NIPBL: variants seen among roughly 807,000 people sequenced by gnomAD.
NIPBL encodes the protein nipped-B-like protein.
NIPBL carries 19 observed loss-of-function variants against 321.8 expected under a neutral mutation model. The ratio of observed to expected loss-of-function variants is 0.06; its 90% CI spans 0.04 to 0.09. The LOEUF (loss-of-function observed/expected upper bound fraction) is 0.09. NIPBL is among the 10% of genes least tolerant of loss of function. The probability of loss-of-function intolerance (pLI) is 1.00; values close to 1 mark genes in which losing one functional copy is unlikely to be tolerated. For missense variants in NIPBL, 2,210 were observed against 3,327.0 expected, an observed-to-expected ratio of 0.66 and a Z score of 8.26; for synonymous variants, 1,106 against 1,114.1, an observed-to-expected ratio of 0.99 and a Z score of 0.14.
intron 1 of NIPBL, among the ~76,000 whole-genome samples, chr5:36,932,165 T>C (rs1749825333): frequency 6.6e-6 from 1 of 152,178 alleles, no homozygotes; most frequent in Non-Finnish European, 1.5e-5. Context: ...TGGTCCAGCA[T>C]GTGATCAATT....
intron 34 of NIPBL, among the ~76,000 whole-genome samples, chr5:37,039,562 A>G (rs1561198083): frequency 6.6e-6 from 1 of 152,094 alleles, no homozygotes; most frequent in African/African-American, 2.4e-5. Flanking sequence ...TTTTACAGAT[A>G]AGGAAACTGA....
Position 37,016,143 on chromosome 5 carries a change from A to C in NIPBL, c.4749A>C (p.Leu1583=). The C allele has an allele frequency of 6.2e-7, 1 of 1,613,820 alleles. No individual in the cohort carries two copies. The highest frequency in any genetic ancestry group is 8.5e-7 in the Non-Finnish European group (1 of 1,179,884). ...VNKPEWPAAE[L]LLSLLGRLLV... ...AGCCTGAATGGCCAGCTGCTGAACT[A>C]CTCCTTAGTTTGTTAGGGAGACTGT... The change falls in exon 23 of 47, where the codon CTA becomes CTC. Residue 1583 remains leucine (L), a synonymous_variant. Coordinates refer to ENST00000282516, the MANE Select transcript of NIPBL (RefSeq NM_133433.4).
intron 1 of NIPBL, among the ~76,000 whole-genome samples, chr5:36,934,302 G>A (rs549284504): frequency 6.6e-6 from 1 of 152,184 alleles, no homozygotes; most frequent in African/African-American, 2.4e-5. Flanking sequence ...TACCTAAGGT[G>A]CCAGTGAAAT....
intron 7 of NIPBL, among the ~76,000 whole-genome samples, chr5:36,971,493 A>G (rs1429407606): frequency 1.3e-5 from 2 of 151,746 alleles, no homozygotes; most frequent in African/African-American, 4.8e-5. Flanking sequence ...TGATACTTGT[A>G]CAAAGTTTTG....
Position 36,976,209 on chromosome 5 carries a change from G to C in NIPBL, c.1302G>C (p.Val434=), listed in dbSNP as rs769279620. The change falls in exon 9 of 47, where the codon GTG becomes GTC. Residue 434 remains valine (V), a synonymous_variant. Coordinates refer to ENST00000282516, the MANE Select transcript of NIPBL (RefSeq NM_133433.4). ...EQTAFLPANQ[V]PVLQQNTSVA... ...CAGCATTCCTTCCAGCAAATCAAGT[G>C]CCTGTTTTACAACAGAACACTTCAG... The C allele has an allele frequency of 1.9e-6, 3 of 1,613,120 alleles. No homozygotes were observed. The highest frequency in any genetic ancestry group is 1.7e-5 in the Admixed American group (1 of 59,888).
At chr5:37,014,876 T>A in intron 22 of NIPBL, 111 bp downstream of exon 22, 1 of 708,686 alleles carries the variant, frequency 1.4e-6, no homozygotes, top group South Asian at 1.6e-5. Flanking sequence ...CTTGAATACA[T>A]CTTCCTGACA....
chr5:36,986,360 C>A, intron 10 of NIPBL, 59 bp downstream of exon 10: 2 of 1,166,850 alleles, frequency 1.7e-6, no homozygotes, highest in Non-Finnish European at 2.3e-6. Flanking sequence ...GTTAAGATTA[C>A]TAAGTTTTAA....
At chr5:36,940,239 G>T (rs952356803) in intron 1 of NIPBL, among the ~76,000 whole-genome samples, 2 of 152,132 alleles carry the variant, frequency 1.3e-5, no homozygotes, top group African/African-American at 4.8e-5. Context: ...TGAAAAGAGA[G>T]AAATGGATTC....
rs189702016 is a variant in NIPBL at position 36,964,194 on chromosome 5, T to A, written c.610+1920T>A. ...ATTTAGTCAGTACTACCCAAAACAG[T>A]TTCTATATTCAACGTAATCCCTATC... is the stretch of plus-strand genomic sequence containing the variant. On this transcript the variant is annotated intron_variant, in intron 6 of 46. Coordinates refer to ENST00000282516, the MANE Select transcript of NIPBL (RefSeq NM_133433.4). Among the ~76,000 whole-genome samples, 1,234 of 152,164 alleles carry A rather than the reference T, an allele frequency of 8.1e-3. 11 individuals carry two copies. The highest frequency in any genetic ancestry group is 0.028 in the African/African-American group (1,172 of 41,518).
intron 34 of NIPBL, among the ~76,000 whole-genome samples, chr5:37,042,899 G>GCGCACA (rs112689666): frequency 2.1e-5 from 3 of 144,856 alleles, no homozygotes; most frequent in Admixed American, 6.9e-5. Flanking sequence ...ACACACGCGC[G>GCGCACA]CACACACACA....
rs920846778 is a variant in NIPBL, at chr5:37,026,362, T to C, written c.5808+35T>C. 3 of 1,248,268 alleles carry C rather than the reference T, an allele frequency of 2.4e-6. No homozygotes were observed. In the African/African-American group the frequency reaches 4.4e-5, roughly 18 times the overall value. 77.3% of individuals were successfully genotyped at this position (1,248,268 alleles called of 1,614,324 possible). A position where few individuals can be genotyped will look rare whatever the true frequency, so the allele number is the denominator to read the frequency against. ...ACTGGAACAAGGGTGTGGTCACTGT[T>C]GATCCAGACCTAATTGAGGCCTACA... On this transcript the variant is annotated intron_variant, in intron 31 of 46. Transcript: ENST00000282516.
intron 32 of NIPBL, among the ~76,000 whole-genome samples, chr5:37,033,357 T>C (rs1751281013): frequency 6.6e-6 from 1 of 152,080 alleles, no homozygotes. Context: ...TTGGGACTTA[T>C]TTTCAAAGAT....
chr5:37,023,420 T>A (rs192978988), intron 29 of NIPBL, among the ~76,000 whole-genome samples: 1 of 152,194 alleles, frequency 6.6e-6, no homozygotes. Flanking sequence ...TATGAAAGTT[T>A]GTTAAAGAAA....
At chr5:36,931,803 T>C (rs1360889247) in intron 1 of NIPBL, among the ~76,000 whole-genome samples, 1 of 151,490 alleles carries the variant, frequency 6.6e-6, no homozygotes, top group African/African-American at 2.4e-5. Context: ...TTTTTTTGTT[T>C]ATTTTTACTT....
intron 32 of NIPBL, among the ~76,000 whole-genome samples, chr5:37,033,725 T>C (rs1350014609): frequency 3.2e-5 from 3 of 93,388 alleles, no homozygotes; most frequent in African/African-American, 8.8e-5. Context: ...TATATATATA[T>C]ATATATTTTT....
intron 1 of NIPBL, among the ~76,000 whole-genome samples, chr5:36,898,573 A>G (rs1301539584): frequency 2.0e-5 from 3 of 146,636 alleles, no homozygotes; most frequent in African/African-American, 7.7e-5. Context: ...GTGCAGTGGC[A>G]CGATCTCAGC....
chr5:37,023,750 CTTTTT>C (rs779595045), intron 29 of NIPBL, among the ~76,000 whole-genome samples: 4 of 75,874 alleles, frequency 5.3e-5, no homozygotes, highest in African/African-American at 1.5e-4. Context: ...TTTTCTTATT[CTTTTT>C]TTTTTTTTTT....
intron 1 of NIPBL, among the ~76,000 whole-genome samples, chr5:36,921,810 T>G (rs548225249): frequency 6.6e-6 from 1 of 152,222 alleles, no homozygotes; most frequent in South Asian, 2.1e-4. Flanking sequence ...AAAAATAAAA[T>G]GCAGGGGGAC....
At chr5:36,905,223 A>G (rs1747541121) in intron 1 of NIPBL, among the ~76,000 whole-genome samples, 1 of 152,208 alleles carries the variant, frequency 6.6e-6, no homozygotes, top group Non-Finnish European at 1.5e-5. Flanking sequence ...ATGAATTTGA[A>G]TAATTTACTA....
Sources: gnomAD v4.1 joint callset for allele counts (sites outside exome capture counted in the v4.1 genomes callset) on GRCh38, gnomAD v4.1.1 for gene constraint, MANE v1.5 for transcripts, NCBI Gene and HGNC (gene_info 2026-07-23, HGNC 2026-07-21) for gene names.